ATP9B: variants seen among roughly 807,000 people sequenced by gnomAD.
The protein encoded by ATP9B is ATPase phospholipid transporting 9B, also known as probable phospholipid-transporting ATPase IIB.
In ATP9B, 110 loss-of-function variants were observed where a neutral mutation model predicts 146.1. The observed-to-expected ratio is 0.75, with a 90% CI of 0.65 to 0.88. The LOEUF is 0.88. Among genes scored for constraint, ATP9B ranks in the 40% least tolerant of loss-of-function variants. The pLI, the probability that ATP9B is intolerant of heterozygous loss-of-function variation, is 0.00. For synonymous variants in ATP9B, 604 were observed against 569.7 expected, an observed-to-expected ratio of 1.06 and a Z score of -0.86; for missense variants, 1,499 against 1,496.4, an observed-to-expected ratio of 1.00 and a Z score of -0.03.
intron 6 of ATP9B, among the ~76,000 whole-genome samples, chr18:79,152,293 T>C (rs1485418927): frequency 6.6e-6 from 1 of 152,218 alleles, no homozygotes; most frequent in Non-Finnish European, 1.5e-5. Context: ...TCAATACTTT[T>C]TCATATGATT....
intron 25 of ATP9B, among the ~76,000 whole-genome samples, chr18:79,356,012 G>C (rs764348637): frequency 2.0e-5 from 3 of 152,178 alleles, no homozygotes; most frequent in Non-Finnish European, 4.4e-5. Flanking sequence ...GGCAAGACTC[G>C]TGTCCAGCAG....
intron 15 of ATP9B, chr18:79,307,435 G>GCACA: frequency 1.4e-6 from 1 of 722,230 alleles, no homozygotes; most frequent in South Asian, 1.9e-5. Flanking sequence ...ACATGCAAAT[G>GCACA]TGCGGCCGCC....
At chr18:79,235,059 G>C (rs182005621) in intron 11 of ATP9B, among the ~76,000 whole-genome samples, 24 of 152,220 alleles carry the variant, frequency 1.6e-4, no homozygotes, top group African/African-American at 5.3e-4. Context: ...TTTTAATAGA[G>C]ATGGGGTTTC....
chr18:79,375,197 A>G (rs896085309), intron 28 of ATP9B, among the ~76,000 whole-genome samples, 197 bp from the exon 29 acceptor site: 8 of 152,178 alleles, frequency 5.3e-5, no homozygotes, highest in African/African-American at 1.7e-4. Flanking sequence ...GCCTTTAGCT[A>G]TTGGGTTTCA....
intron 8 of ATP9B, among the ~76,000 whole-genome samples, chr18:79,186,332 G>T (rs923634105): frequency 6.6e-6 from 1 of 152,058 alleles, no homozygotes; most frequent in Non-Finnish European, 1.5e-5. Context: ...GCTTTCCTCC[G>T]TTATTGAAAA....
intron 7 of ATP9B, among the ~76,000 whole-genome samples, chr18:79,171,262 AT>A (rs1248223914): frequency 6.6e-6 from 1 of 152,178 alleles, no homozygotes; most frequent in Non-Finnish European, 1.5e-5. Context: ...CACTGTTGAA[AT>A]TTTGTTCATT....
intron 28 of ATP9B, 109 bp downstream of exon 28, chr18:79,374,210 A>C: frequency 7.7e-7 from 1 of 1,305,030 alleles, no homozygotes; most frequent in East Asian, 2.5e-5. Context: ...TCATGGTAAA[A>C]CCCATATCAG....
At chr18:79,280,366 A>G (rs949552110) in intron 13 of ATP9B, among the ~76,000 whole-genome samples, 8 of 152,238 alleles carry the variant, frequency 5.3e-5, no homozygotes, top group African/African-American at 1.7e-4. Flanking sequence ...TATGAATCAG[A>G]AGGAAACTGG....
At chr18:79,322,666 C>G (rs1235622353) in intron 15 of ATP9B, among the ~76,000 whole-genome samples, 1 of 152,202 alleles carries the variant, frequency 6.6e-6, no homozygotes, top group Non-Finnish European at 1.5e-5. Flanking sequence ...GGATTTGCTC[C>G]TATTTGTGTA....
At chr18:79,104,014 A>G (rs2075481873) in intron 2 of ATP9B, among the ~76,000 whole-genome samples, 1 of 152,172 alleles carries the variant, frequency 6.6e-6, no homozygotes, top group Non-Finnish European at 1.5e-5. Context: ...CCCTTTTGTG[A>G]CAGCTAAGAG....
At chr18:79,243,158 G>A (rs2095905619) in intron 11 of ATP9B, among the ~76,000 whole-genome samples, 1 of 152,104 alleles carries the variant, frequency 6.6e-6, no homozygotes, top group African/African-American at 2.4e-5. Context: ...TTAGCTTCTG[G>A]TTAATAGCTA....
intron 11 of ATP9B, among the ~76,000 whole-genome samples, chr18:79,245,261 TAAAC>T (rs1389442181): frequency 6.6e-6 from 1 of 152,214 alleles, no homozygotes; most frequent in Non-Finnish European, 1.5e-5. Context: ...ATTACCCAAA[TAAAC>T]TGTGTATTAG....
intron 13 of ATP9B, among the ~76,000 whole-genome samples, chr18:79,281,238 C>T (rs922126251): frequency 1.3e-5 from 2 of 151,826 alleles, no homozygotes; most frequent in Admixed American, 6.6e-5. Flanking sequence ...GACTCACACC[C>T]GTAATCCCAG....
intron 15 of ATP9B, among the ~76,000 whole-genome samples, chr18:79,316,123 G>A (rs2146772231): frequency 6.6e-6 from 1 of 152,262 alleles, no homozygotes; most frequent in South Asian, 2.1e-4. Context: ...TACTCTGCCA[G>A]TTTTTTATTG....
chr18:79,142,599 G>A (rs2094527615), intron 5 of ATP9B, among the ~76,000 whole-genome samples: 1 of 152,130 alleles, frequency 6.6e-6, no homozygotes, highest in African/African-American at 2.4e-5. Context: ...AATGCTCATA[G>A]GAATTAAAGT....
At chr18:79,339,187 G>A (rs1459109361) in intron 19 of ATP9B, among the ~76,000 whole-genome samples, 6 of 151,100 alleles carry the variant, frequency 4.0e-5, no homozygotes, top group Non-Finnish European at 5.9e-5. Context: ...TAGGAAATAC[G>A]TCATGAGGCT....
At chr18:79,180,875 C>T (rs2095243426) in intron 8 of ATP9B, among the ~76,000 whole-genome samples, 1 of 151,954 alleles carries the variant, frequency 6.6e-6, no homozygotes, top group Non-Finnish European at 1.5e-5. Context: ...TCACTGCAGT[C>T]TCCACCTCCT....
chr18:79,192,823 G>A (rs951982094), intron 8 of ATP9B, among the ~76,000 whole-genome samples: 3 of 152,212 alleles, frequency 2.0e-5, no homozygotes, highest in South Asian at 2.1e-4. Flanking sequence ...GAGGAATTGC[G>A]ATGGTTCCTT....
chr18:79,226,318 A>C (rs981132872), intron 11 of ATP9B, among the ~76,000 whole-genome samples: 1 of 152,186 alleles, frequency 6.6e-6, no homozygotes, highest in Admixed American at 6.5e-5. Flanking sequence ...CGTTTTTCTC[A>C]GACTGCTGTC....
Sources: gnomAD v4.1 joint callset for allele counts (sites outside exome capture counted in the v4.1 genomes callset) on GRCh38, gnomAD v4.1.1 for gene constraint, MANE v1.5 for transcripts, NCBI Gene and HGNC (gene_info 2026-07-23, HGNC 2026-07-21) for gene names.